RIMS1: variants seen among roughly 807,000 people sequenced by gnomAD.
The protein encoded by RIMS1 is regulating synaptic membrane exocytosis 1.
Under a neutral mutation model 214.1 loss-of-function variants are expected in RIMS1, and 83 were observed. The observed-to-expected ratio is 0.39, with a 90% CI of 0.32 to 0.47. The LOEUF (loss-of-function observed/expected upper bound fraction) is 0.47, where lower values mean the gene tolerates loss of function less well. Among genes scored for constraint, RIMS1 ranks in the 20% least tolerant of loss-of-function variants. The probability of loss-of-function intolerance (pLI) is 0.99; values close to 1 mark genes in which losing one functional copy is unlikely to be tolerated. For synonymous variants in RIMS1, 793 were observed against 786.8 expected, an observed-to-expected ratio of 1.01 and a Z score of -0.13; for missense variants, 2,050 against 2,161.8, an observed-to-expected ratio of 0.95 and a Z score of 1.03.
Position 72,258,165 on chromosome 6 carries a change from A to G in RIMS1, c.2811A>G (p.Thr937=), listed in dbSNP as rs759665204. Residue 937 remains threonine (T), a synonymous_variant, in exon 17 of 34, where the codon ACA becomes ACG. Coordinates refer to ENST00000521978, the MANE Select transcript of RIMS1 (RefSeq NM_014989.7). The part of the protein sequence containing the change: ...RSSARESKST[T]LTVPEQQRTT... ...GTGCTAGAGAAAGTAAATCTACAAC[A>G]TTAACTGTGCCAGAACAGCAAAGAA... 6 of 1,613,138 alleles carry G rather than the reference A, an allele frequency of 3.7e-6. No individual in the cohort carries two copies. The East Asian group carries it at 1.3e-4, about 36-fold the overall frequency.
chr6:72,357,729 T>G (rs1194091328), intron 29 of RIMS1, among the ~76,000 whole-genome samples: 1 of 152,182 alleles, frequency 6.6e-6, no homozygotes, highest in Non-Finnish European at 1.5e-5. Flanking sequence ...TACATACATA[T>G]GATATTCAAC....
chr6:72,254,411 T>C (rs1338032136), intron 16 of RIMS1, among the ~76,000 whole-genome samples: 2 of 152,180 alleles, frequency 1.3e-5, no homozygotes, highest in Non-Finnish European at 2.9e-5. Flanking sequence ...TATTAGTTTG[T>C]CATGAAATTC....
chr6:72,265,343 A>G, intron 20 of RIMS1, 47 bp from the exon 21 acceptor site: 1 of 1,072,716 alleles, frequency 9.3e-7, no homozygotes, highest in Non-Finnish European at 1.4e-6. Flanking sequence ...GTTGATTTTA[A>G]TTATAATTTA....
At chr6:72,098,579 G>A (rs1237838851) in intron 3 of RIMS1, among the ~76,000 whole-genome samples, 1 of 152,142 alleles carries the variant, frequency 6.6e-6, no homozygotes, top group East Asian at 1.9e-4. Context: ...ACAGGTGTGA[G>A]CCACTGCACC....
In RIMS1 at chr6:72,182,641, C is replaced by G; in HGVS notation, c.1170C>G (p.His390Gln). The G allele has an allele frequency of 1.3e-6, 2 of 1,537,690 alleles. No individual in the cohort carries two copies. Among genetic ancestry groups the G allele is most frequent in the Non-Finnish European group, 1.8e-6 (2 of 1,141,390 alleles). ...RVSRARHERR[H>Q]SDVALPRTEA... ...CCCGCGCCAGGCACGAGCGGCGCCA[C>G]AGCGACGTGGCGCTCCCGCGCACCG... Residue 390 changes from histidine to glutamine, a missense_variant, in exon 6 of 34, where the codon CAC (histidine) becomes CAG (glutamine). This residue lies in a region of RIMS1 where 882 missense variants were observed against 828.9 expected (regional missense o/e 1.06). Coordinates refer to ENST00000521978, the MANE Select transcript of RIMS1 (RefSeq NM_014989.7).
At chr6:71,990,935 A>T (rs1584326766) in intron 2 of RIMS1, among the ~76,000 whole-genome samples, 1 of 152,300 alleles carries the variant, frequency 6.6e-6, no homozygotes, top group African/African-American at 2.4e-5. Flanking sequence ...TTCATAAAAT[A>T]TATTTTAAAA....
Position 72,319,249 on chromosome 6 carries a change from G to A in RIMS1, c.4130+5577G>A, listed in dbSNP as rs144185744. ...AACAATCAGGAACATAGAAGGAGAT[G>A]GTGAAGGGAGCCAAGAACTGGAAAA... On this transcript the variant is annotated intron_variant, in intron 28 of 33. Transcript: ENST00000521978. 8.0e-4 allele frequency among the ~76,000 whole-genome samples: 121 copies of A among 152,004 alleles called. 1 individual carries two copies. The highest frequency in any genetic ancestry group is 1.6e-3 in the Non-Finnish European group (106 of 67,962).
In RIMS1 at chr6:72,400,903, A is replaced by G. The variant is rs1409375849; in HGVS notation, c.*189A>G. 1 of 551,432 alleles carries G rather than the reference A, an allele frequency of 1.8e-6. No individual in the cohort carries two copies. Among genetic ancestry groups the G allele is most frequent in the African/African-American group, 1.9e-5 (1 of 53,390 alleles). The allele number at this position is 551,432 out of a possible 1,614,324, so 34.2% of individuals were successfully genotyped here. ...TTCATATGACAGAACAAGGCAATCT[A>G]TCAAATTTACAGGAAGAATCAACAT... is the stretch of plus-strand genomic sequence containing the variant. On this transcript the variant is annotated 3_prime_UTR_variant, in exon 34 of 34. Coordinates refer to ENST00000521978, the MANE Select transcript of RIMS1 (RefSeq NM_014989.7).
intron 29 of RIMS1, among the ~76,000 whole-genome samples, chr6:72,380,233 A>G (rs1258044029): frequency 1.3e-5 from 2 of 152,122 alleles, no homozygotes; most frequent in South Asian, 2.1e-4. Flanking sequence ...AACGTCACAC[A>G]CCGGGGTTTG....
At chr6:72,326,739 C>T (rs774318877) in intron 28 of RIMS1, among the ~76,000 whole-genome samples, 3 of 151,602 alleles carry the variant, frequency 2.0e-5, no homozygotes, top group African/African-American at 4.8e-5. Flanking sequence ...TATCATAATC[C>T]TCAGAAAAAT....
At chr6:72,165,403 T>C (rs919927335) in intron 4 of RIMS1, among the ~76,000 whole-genome samples, 52 of 152,204 alleles carry the variant, frequency 3.4e-4, no homozygotes, top group Non-Finnish European at 3.7e-4. Flanking sequence ...TATTGAAATA[T>C]GTGCCTTACA....
Position 72,251,381 on chromosome 6 carries a change from C to G in RIMS1, c.2698+13C>G, listed in dbSNP as rs1243936510. On this transcript the variant is annotated intron_variant, in intron 15 of 33. Transcript: ENST00000521978. Reference sequence around the variant, plus strand: ...AAAAAGCTACAAAGTAGGTTAAGGTCCTTTTAGTTGCCACAAAGTAATTAT... The same window carrying G: ...AAAAAGCTACAAAGTAGGTTAAGGTGCTTTTAGTTGCCACAAAGTAATTAT... 4 of 1,553,958 alleles carry G rather than the reference C, an allele frequency of 2.6e-6. No homozygotes were observed. In the African/African-American group the frequency reaches 5.5e-5, roughly 21 times the overall value.
chr6:72,338,251 T>A (rs1372002557), intron 29 of RIMS1, among the ~76,000 whole-genome samples: 1 of 151,856 alleles, frequency 6.6e-6, no homozygotes, highest in Non-Finnish European at 1.5e-5. Context: ...CTCCAGCACC[T>A]GTTGTTTCCT....
intron 1 of RIMS1, among the ~76,000 whole-genome samples, chr6:71,928,827 A>G (rs112601913): frequency 6.6e-6 from 1 of 152,268 alleles, no homozygotes; most frequent in Non-Finnish European, 1.5e-5. Flanking sequence ...TGATTTTAAC[A>G]TGCAGCCAGT....
intron 1 of RIMS1, among the ~76,000 whole-genome samples, chr6:71,933,205 T>C (rs1783552998): frequency 6.6e-6 from 1 of 152,190 alleles, no homozygotes; most frequent in South Asian, 2.1e-4. Context: ...GATTAATTTC[T>C]GGGGCTATGT....
intron 26 of RIMS1, among the ~76,000 whole-genome samples, chr6:72,293,473 T>G (rs554229655): frequency 2.3e-4 from 35 of 152,054 alleles, no homozygotes; most frequent in African/African-American, 8.2e-4. Context: ...ATTTAAATTA[T>G]CTATTCATGA....
intron 1 of RIMS1, among the ~76,000 whole-genome samples, chr6:71,890,449 A>G (rs375636295): frequency 3.3e-5 from 4 of 119,836 alleles, no homozygotes; most frequent in Non-Finnish European, 5.8e-5. Context: ...CTCGATGAAT[A>G]CTCCTTCAAG....
intron 31 of RIMS1, among the ~76,000 whole-genome samples, chr6:72,394,470 G>A (rs1268413483): frequency 6.6e-6 from 1 of 151,972 alleles, no homozygotes; most frequent in Non-Finnish European, 1.5e-5. Context: ...GGGGTAGGAA[G>A]GCAGTGAAAG....
chr6:72,373,630 T>A (rs2098285233), intron 29 of RIMS1, among the ~76,000 whole-genome samples: 1 of 152,236 alleles, frequency 6.6e-6, no homozygotes, highest in East Asian at 1.9e-4. Context: ...TACGTTATCA[T>A]TCTTATCTCA....
Sources: gnomAD v4.1 joint callset for allele counts (sites outside exome capture counted in the v4.1 genomes callset) on GRCh38, gnomAD v4.1.1 for gene constraint, gnomAD v4.1.1 regional missense constraint, MANE v1.5 for transcripts, NCBI Gene and HGNC (gene_info 2026-07-23, HGNC 2026-07-21) for gene names.